The following RND1 variants were observed in gnomAD, a reference collection of about 807,000 sequenced individuals.
The protein encoded by RND1 is rho-related GTP-binding protein Rho6.
A neutral mutation model predicts 27.1 loss-of-function variants in RND1; 9 were observed. The ratio of observed to expected loss-of-function variants is 0.33; its 90% confidence interval spans 0.20 to 0.58. The LOEUF (loss-of-function observed/expected upper bound fraction) is 0.58. Among genes scored for constraint, RND1 ranks in the 20% least tolerant of loss-of-function variants. The pLI is 0.86. For missense variants in RND1, 253 were observed against 292.2 expected, an observed-to-expected ratio of 0.87 and a Z score of 0.98; for synonymous variants, 108 against 115.7, an observed-to-expected ratio of 0.93 and a Z score of 0.43.
At position 48,858,100 on chromosome 12, in the gene RND1, G is replaced by A. The variant is rs528408574; in HGVS notation, c.595C>T (p.Pro199Ser). 1.9e-6 allele frequency: 3 copies of A among 1,614,214 alleles called. No individual in the cohort carries two copies. The highest frequency in any genetic ancestry group is 2.5e-6 in the Non-Finnish European group (3 of 1,180,032). Residue 199 changes from proline (P) to serine (S), a missense_variant, in exon 5 of 5, where the codon CCT (proline) becomes TCT (serine). Physicochemically the swap from Pro to Ser is moderately conservative, Grantham distance 74. Transcript: ENST00000309739. ...AGTCGTTTGGAGAGGCTTCGGACAGGGCTCTTCTGGGGCAGTGGGCTAGGC... is the reference window on the plus strand; with the variant it reads ...AGTCGTTTGGAGAGGCTTCGGACAGAGCTCTTCTGGGGCAGTGGGCTAGGC... ...NKPSPLPQKS[P>S]VRSLSKRLLH...
intron 2 of RND1, among the ~76,000 whole-genome samples, chr12:48,863,780 T>C (rs1413936025): frequency 6.6e-6 from 1 of 152,182 alleles, no homozygotes; most frequent in Admixed American, 6.5e-5. Flanking sequence ...ATATTTATTA[T>C]ATGTAGCAGG....
intron 1 of RND1, among the ~76,000 whole-genome samples, 161 bp from the exon 2 acceptor site, chr12:48,865,031 G>C (rs1244687391): frequency 2.0e-5 from 3 of 152,178 alleles, no homozygotes; most frequent in Non-Finnish European, 4.4e-5. Context: ...TGGAGGACCA[G>C]GCACTTTGCT....
At chr12:48,860,737 C>T (rs572477580) in intron 4 of RND1, among the ~76,000 whole-genome samples, 50 of 152,024 alleles carry the variant, frequency 3.3e-4, no homozygotes, top group Middle Eastern at 3.4e-3. Flanking sequence ...CTAACAAACA[C>T]CTCTAATGAT....
At chr12:48,860,975 A>G (rs753872280) in intron 4 of RND1, 22 bp downstream of exon 4, 21 of 1,612,370 alleles carry the variant, frequency 1.3e-5, no homozygotes, top group Non-Finnish European at 1.8e-5. Flanking sequence ...ACCCCACGAC[A>G]TGCACTTGCA....
chr12:48,858,074 C>G lies in RND1; in HGVS notation c.621G>C (p.Leu207=). Residue 207 remains leucine, a synonymous_variant, in exon 5 of 5, where the codon CTG becomes CTC. Transcript: ENST00000309739. ...KSPVRSLSKR[L]LHLPSRSELI... ...GTTCAGAGCGACTGGGGAGGTGGAGCAGTCGTTTGGAGAGGCTTCGGACAG... is the reference window on the plus strand; with the variant it reads ...GTTCAGAGCGACTGGGGAGGTGGAGGAGTCGTTTGGAGAGGCTTCGGACAG... The G allele has an allele frequency of 6.2e-7, 1 of 1,614,154 alleles. No individual in the cohort carries two copies. The highest frequency in any genetic ancestry group is 1.1e-5 in the South Asian group (1 of 91,078).
At position 48,857,997 on chromosome 12, in the gene RND1, C is replaced by A; in HGVS notation, c.698G>T (p.Ter233LeuextTer25). The A allele has an allele frequency of 6.3e-7, 1 of 1,595,458 alleles. No individual in the cohort carries two copies. The change falls in exon 5 of 5, where the codon TGA (stop) becomes TTA (leucine). Residue 233 changes from the stop codon to leucine (L), a stop_lost. Transcript: ENST00000309739. Reference protein sequence around the residue: ...KEKAKSCSIM* With the variant: ...KEKAKSCSIML ...TGTCTCCCCCCTCCAATTTCCACTT[C>A]ACATAATGGAACAGCTTTTGGCCTT...
chr12:48,864,418 C>CGCGT (rs1938959344), intron 2 of RND1, among the ~76,000 whole-genome samples: 1 of 98,094 alleles, frequency 1.0e-5, no homozygotes, highest in South Asian at 2.9e-4. Context: ...TGTGTGTGTG[C>CGCGT]GCGCGCGCGC....
chr12:48,858,393 T>C (rs961639568), intron 4 of RND1, 152 bp from the exon 5 acceptor site: 11 of 659,468 alleles, frequency 1.7e-5, no homozygotes, highest in East Asian at 7.0e-5. Context: ...TCTTTTCTTT[T>C]TTTTTTTTTT....
rs747626155 is a variant in RND1, at chr12:48,865,789, T to C, written c.-22A>G. 1 of 1,567,020 alleles carries C rather than the reference T, an allele frequency of 6.4e-7. No individual in the cohort carries two copies. Among genetic ancestry groups the C allele is most frequent in the South Asian group, 1.2e-5 (1 of 84,756 alleles). On this transcript the variant is annotated 5_prime_UTR_variant, in exon 1 of 5. Coordinates refer to ENST00000309739, the MANE Select transcript of RND1 (RefSeq NM_014470.4). ...TCATGGTTGCAGTGTCCGCGGGACT[T>C]GAACTTCGATTCAGAAGGGAGGGTT...
intron 3 of RND1, among the ~76,000 whole-genome samples, chr12:48,861,353 T>C (rs1166063169): frequency 1.3e-5 from 2 of 152,104 alleles, no homozygotes; most frequent in Non-Finnish European, 2.9e-5. Context: ...CAGGAGCCTG[T>C]TCCCCCAGTC....
Position 48,857,937 on chromosome 12 carries a change from C to T in RND1, c.*59G>A, listed in dbSNP as rs971755943. On this transcript the variant is annotated 3_prime_UTR_variant, in exon 5 of 5. Transcript: ENST00000309739. The stretch of plus-strand genomic sequence containing the variant: ...TAAATTGTCTCATCCTCCCTCTCCC[C>T]GTGCCTCTGCACCCCAAGGGAGGAA... 1.9e-5 allele frequency: 29 copies of T among 1,529,068 alleles called. 1 individual carries two copies. Among genetic ancestry groups the T allele is most frequent in the South Asian group, 3.9e-5 (3 of 76,072 alleles). 94.7% of individuals were successfully genotyped at this position (1,529,068 alleles called of 1,614,324 possible).
chr12:48,859,979 C>T (rs1005579791), intron 4 of RND1, among the ~76,000 whole-genome samples: 5 of 151,924 alleles, frequency 3.3e-5, no homozygotes, highest in Non-Finnish European at 7.4e-5. Context: ...GGTTTCACCA[C>T]GTTGGCCAGG....
intron 1 of RND1, 26 bp downstream of exon 1, chr12:48,865,622 G>A (rs1197417121): frequency 6.3e-7 from 1 of 1,598,222 alleles, no homozygotes; most frequent in Non-Finnish European, 8.5e-7. Flanking sequence ...GAGAAAAGCC[G>A]GCCAGCGGGC....
chr12:48,863,908 G>A (rs751138624), intron 2 of RND1, among the ~76,000 whole-genome samples: 13 of 151,996 alleles, frequency 8.6e-5, no homozygotes, highest in Non-Finnish European at 1.8e-4. Flanking sequence ...TTATGACTCT[G>A]AGCCAGTCTA....
intron 2 of RND1, 50 bp from the exon 3 acceptor site, chr12:48,862,168 C>A: frequency 9.0e-7 from 1 of 1,116,932 alleles, no homozygotes; most frequent in Non-Finnish European, 1.4e-6. Context: ...TTTTCCTTCC[C>A]CAATAGGCCT....
chr12:48,858,078 C>A lies in RND1; in HGVS notation c.617G>T (p.Arg206Leu), dbSNP rs1938867961. 1.2e-6 allele frequency: 2 copies of A among 1,614,148 alleles called. No homozygotes were observed. Among genetic ancestry groups the A allele is most frequent in the Non-Finnish European group, 1.7e-6 (2 of 1,180,026 alleles). The change falls in exon 5 of 5, where the codon CGA becomes CTA. Residue 206 changes from arginine to leucine, a missense_variant. Physicochemically the swap from Arg to Leu is moderately radical, Grantham distance 102. Coordinates refer to ENST00000309739, the MANE Select transcript of RND1 (RefSeq NM_014470.4). Reference sequence around the variant, plus strand: ...AGAGCGACTGGGGAGGTGGAGCAGTCGTTTGGAGAGGCTTCGGACAGGGCT... The same window carrying A: ...AGAGCGACTGGGGAGGTGGAGCAGTAGTTTGGAGAGGCTTCGGACAGGGCT... ...QKSPVRSLSK[R>L]LLHLPSRSEL...
chr12:48,858,008 A>G lies in RND1; in HGVS notation c.687T>C (p.Cys229=), dbSNP rs140026129. The change falls in exon 5 of 5, where the codon TGT becomes TGC. Residue 229 remains cysteine, a synonymous_variant. Coordinates refer to ENST00000309739, the MANE Select transcript of RND1 (RefSeq NM_014470.4). The part of the protein sequence containing the change: ...STFKKEKAKS[C]SIM ...TCCAATTTCCACTTCACATAATGGA[A>G]CAGCTTTTGGCCTTTTCCTTCTTGA... 2.3e-4 allele frequency: 367 copies of G among 1,603,074 alleles called. 3 individuals carry two copies. The African/African-American group carries it at 4.0e-3, about 18-fold the overall frequency.
chr12:48,861,308 C>A (rs1938916812), intron 3 of RND1, among the ~76,000 whole-genome samples, 177 bp from the exon 4 acceptor site: 1 of 152,172 alleles, frequency 6.6e-6, no homozygotes, highest in South Asian at 2.1e-4. Flanking sequence ...CATTTTCCTG[C>A]CCATGAGGCC....
chr12:48,857,588 G>A lies in RND1; in HGVS notation c.*408C>T, dbSNP rs1295729397. On this transcript the variant is annotated 3_prime_UTR_variant, in exon 5 of 5. Transcript: ENST00000309739. ...TCTCCGTTGCTGCCTCCTTAGAGGG[G>A]AAGGGAAGGGCTCAGGGACCCCTCC... 6.3e-6 allele frequency: 1 copy of A among 157,602 alleles called. No homozygotes were observed. Among genetic ancestry groups the A allele is most frequent in the East Asian group, 1.9e-4 (1 of 5,300 alleles). The allele number at this position is 157,602 out of a possible 1,614,324, so 9.8% of individuals were successfully genotyped here.
Sources: allele counts gnomAD v4.1 joint callset (sites outside exome capture counted in the v4.1 genomes callset), GRCh38; gene constraint gnomAD v4.1.1; transcripts MANE v1.5; gene names NCBI Gene and HGNC (gene_info 2026-07-23, HGNC 2026-07-21).